The following ESR1 variants were observed in gnomAD, a reference collection of about 807,000 sequenced individuals.
The protein encoded by ESR1 is estrogen receptor 1.
In ESR1, 12 loss-of-function variants were observed where a neutral mutation model predicts 52.7. The ratio of observed to expected loss-of-function variants is 0.23; its 90% CI spans 0.15 to 0.37. The LOEUF (loss-of-function observed/expected upper bound fraction) is 0.37. ESR1 is among the 10% of genes least tolerant of loss of function. ESR1 has a pLI of 1.00. For missense variants in ESR1, 584 were observed against 779.7 expected, an observed-to-expected ratio of 0.75 and a Z score of 2.99; for synonymous variants, 305 against 316.8, an observed-to-expected ratio of 0.96 and a Z score of 0.39.
chr6:151,978,784 G>A (rs941097461), intron 4 of ESR1, among the ~76,000 whole-genome samples: 3 of 152,096 alleles, frequency 2.0e-5, no homozygotes, highest in African/African-American at 7.2e-5. Flanking sequence ...CAAAAAAAGA[G>A]GGTAGTATAA....
At chr6:151,687,105 T>A (rs528411524), upstream of ESR1, among the ~76,000 whole-genome samples, 1 of 152,330 alleles carries the variant, frequency 6.6e-6, no homozygotes, top group Admixed American at 6.5e-5. Context: ...AGAGCTTGAA[T>A]GATTGGTCCA....
At chr6:152,087,729 C>G (rs945201766) in intron 6 of ESR1, among the ~76,000 whole-genome samples, 1 of 152,302 alleles carries the variant, frequency 6.6e-6, no homozygotes, top group East Asian at 1.9e-4. Flanking sequence ...TGATAGGGCT[C>G]TTTTCACAAA....
chr6:151,680,445 C>T (rs954257872), intron 1 of ESR1, among the ~76,000 whole-genome samples: 10 of 152,154 alleles, frequency 6.6e-5, no homozygotes, highest in Admixed American at 1.3e-4. Context: ...CTCAAGTGAT[C>T]CACCTACCTC....
chr6:151,694,001 G>T (rs965462249), intron 1 of ESR1, among the ~76,000 whole-genome samples: 2 of 152,170 alleles, frequency 1.3e-5, no homozygotes, highest in Admixed American at 6.5e-5. Context: ...TGTCCACGAG[G>T]TGGTAATAAT....
chr6:152,101,868 C>A lies in ESR1; in HGVS notation c.*2902C>A, dbSNP rs1191764230. On this transcript the variant is annotated 3_prime_UTR_variant, in exon 8 of 8. Transcript: ENST00000206249. Reference sequence around the variant, plus strand: ...GAGTCCACTTCTGCCCTGGAGACCACAAATCAACTAGCTCCATTTACAGCC... The same window carrying A: ...GAGTCCACTTCTGCCCTGGAGACCAAAAATCAACTAGCTCCATTTACAGCC... 1.3e-5 allele frequency: 3 copies of A among 222,920 alleles called. No individual in the cohort carries two copies. Among genetic ancestry groups the A allele is most frequent in the Non-Finnish European group, 2.7e-5 (3 of 111,602 alleles). 13.8% of individuals were successfully genotyped at this position (222,920 alleles called of 1,614,324 possible).
intron 2 of ESR1, among the ~76,000 whole-genome samples, chr6:151,745,152 A>G (rs1455099391): frequency 6.6e-6 from 1 of 152,204 alleles, no homozygotes; most frequent in Non-Finnish European, 1.5e-5. Context: ...TCTATAAAAT[A>G]GTTCAAATAT....
chr6:152,120,562 G>T (rs143844494), intron 6 of ESR1, among the ~76,000 whole-genome samples: 9 of 152,326 alleles, frequency 5.9e-5, no homozygotes, highest in African/African-American at 2.2e-4. Context: ...CAGTGTGAAA[G>T]TGATCAGGAA....
intron 5 of ESR1, among the ~76,000 whole-genome samples, chr6:152,056,527 T>C (rs1329219987): frequency 6.6e-6 from 1 of 152,212 alleles, no homozygotes; most frequent in Non-Finnish European, 1.5e-5. Flanking sequence ...TAGAGCTCTT[T>C]ATTTTACATG....
upstream of ESR1, among the ~76,000 whole-genome samples, chr6:151,806,105 A>G (rs543591498): frequency 1.3e-5 from 2 of 152,288 alleles, no homozygotes; most frequent in Admixed American, 6.5e-5. Flanking sequence ...AATCATCTGT[A>G]AAAAATTGCT....
chr6:151,696,455 T>C (rs956900842), intron 1 of ESR1, among the ~76,000 whole-genome samples: 2 of 149,948 alleles, frequency 1.3e-5, no homozygotes, highest in African/African-American at 4.9e-5. Flanking sequence ...CTGGGAGACA[T>C]AGAGAGACTC....
At chr6:151,979,531 G>A (rs571389453) in intron 4 of ESR1, among the ~76,000 whole-genome samples, 13 of 152,132 alleles carry the variant, frequency 8.5e-5, no homozygotes, top group African/African-American at 1.7e-4. Context: ...CCATAAAACT[G>A]TGACTTCTGA....
At chr6:152,023,574 TATC>T (rs1562685507) in intron 5 of ESR1, among the ~76,000 whole-genome samples, 1 of 152,248 alleles carries the variant, frequency 6.6e-6, no homozygotes, top group Non-Finnish European at 1.5e-5. Context: ...AATTCTGTGA[TATC>T]ATCTAAAAAA....
intron 3 of ESR1, 53 bp downstream of exon 3, chr6:151,880,824 T>C: frequency 1.1e-6 from 1 of 900,918 alleles, no homozygotes; most frequent in South Asian, 1.3e-5. Context: ...CACCGCCCAG[T>C]GCTGGCTCTA....
At position 151,692,386 on chromosome 6, in the gene ESR1, C is replaced by T. The variant is rs1305817672; in HGVS notation, c.-202+1722C>T. Reference sequence around the variant, plus strand: ...TAGTTGCTCAGAACAATCGCTTGGGCTGACGGCCTGGTGGTTGAGTTTACT... The same window carrying T: ...TAGTTGCTCAGAACAATCGCTTGGGTTGACGGCCTGGTGGTTGAGTTTACT... On this transcript the variant is annotated intron_variant, in intron 1 of 2. Coordinates refer to the ESR1 transcript ENST00000404742. Among the ~76,000 whole-genome samples the T allele has an allele frequency of 2.0e-5, 3 of 152,190 alleles. No individual in the cohort carries two copies. The East Asian group carries it at 5.8e-4, about 29-fold the overall frequency.
intron 2 of ESR1, among the ~76,000 whole-genome samples, chr6:151,846,277 G>A (rs766520518): frequency 6.6e-6 from 1 of 152,218 alleles, no homozygotes; most frequent in Non-Finnish European, 1.5e-5. Context: ...ATCCTAGACT[G>A]TGTAAAAACC....
intron 2 of ESR1, among the ~76,000 whole-genome samples, chr6:151,794,956 A>G (rs895873979): frequency 2.0e-5 from 3 of 151,576 alleles, no homozygotes; most frequent in Non-Finnish European, 4.4e-5. Context: ...CCTTTATCAC[A>G]CTCTCAGTAC....
At position 152,098,941 on chromosome 6, in the gene ESR1, C is replaced by A. The variant is rs769007417; in HGVS notation, c.1763C>A (p.Ala588Glu). ...SLQKYYITGE[A>E]EGFPATV ...CAAAAGTATTACATCACGGGGGAGG[C>A]AGAGGGTTTCCCTGCCACGGTCTGA... The change falls in exon 8 of 8, where the codon GCA becomes GAA. Residue 588 changes from alanine (A) to glutamate (E), a missense_variant. Around this residue, in one of 6 missense-constraint regions of ESR1, gnomAD observed 71 missense variants for 66.1 expected, o/e 1.07. Transcript: ENST00000206249. The surrounding 1 kb of genome is among the most constrained non-coding windows in gnomAD (Gnocchi z 5.1). 3.7e-6 allele frequency: 6 copies of A among 1,614,024 alleles called. No homozygotes were observed. In the African/African-American group the frequency reaches 8.0e-5, roughly 22 times the overall value.
chr6:152,033,227 A>G (rs1238340671), intron 5 of ESR1, among the ~76,000 whole-genome samples: 1 of 152,186 alleles, frequency 6.6e-6, no homozygotes, highest in African/African-American at 2.4e-5. Context: ...GGACATAGGC[A>G]TGGGCAAGGA....
chr6:151,715,930 T>G (rs950234370), intron 2 of ESR1, among the ~76,000 whole-genome samples: 1 of 152,248 alleles, frequency 6.6e-6, no homozygotes, highest in African/African-American at 2.4e-5. Context: ...GTTTTTGGAA[T>G]TGTCAGCCTT....
Sources: gnomAD v4.1 joint callset for allele counts (sites outside exome capture counted in the v4.1 genomes callset) on GRCh38, gnomAD v4.1.1 for gene constraint, gnomAD v4.1.1 regional missense constraint, Gnocchi (gnomAD v3.1) non-coding constraint, MANE v1.5 for transcripts, NCBI Gene and HGNC (gene_info 2026-07-23, HGNC 2026-07-21) for gene names.